Variants in FRMD3 observed in about 807,000 individuals in gnomAD.
The protein encoded by FRMD3 is FERM domain containing 3.
FRMD3 carries 33 observed loss-of-function variants against 70.2 expected under a neutral mutation model. The ratio of observed to expected loss-of-function variants is 0.47; its 90% CI spans 0.36 to 0.63. The LOEUF is 0.63. FRMD3 is among the 20% of genes least tolerant of loss of function. The pLI is 0.00. For synonymous variants in FRMD3, 279 were observed against 255.9 expected, an observed-to-expected ratio of 1.09 and a Z score of -0.86; for missense variants, 632 against 711.4, an observed-to-expected ratio of 0.89 and a Z score of 1.27.
At chr9:83,577,793 A>G in the FRMD3 span, among the ~76,000 whole-genome samples, 3 of 151,998 alleles carry the variant, frequency 2.0e-5, no homozygotes, top group South Asian at 6.2e-4. Context: ...AAAGAAGAAC[A>G]AACTGAGTCC....
chr9:83,264,568 C>T (rs954379441), intron 13 of FRMD3, among the ~76,000 whole-genome samples: 3 of 152,042 alleles, frequency 2.0e-5, no homozygotes, highest in African/African-American at 7.2e-5. Flanking sequence ...GGAAATTCCC[C>T]ATATGTGGAA....
chr9:83,564,840 G>C, the FRMD3 span, among the ~76,000 whole-genome samples: 1 of 152,202 alleles, frequency 6.6e-6, no homozygotes, highest in Non-Finnish European at 1.5e-5. Context: ...GAAACATGCA[G>C]AGCCCACCAT....
intron 5 of FRMD3, among the ~76,000 whole-genome samples, chr9:83,338,090 A>G (rs746731832): frequency 3.3e-5 from 5 of 152,238 alleles, no homozygotes; most frequent in Admixed American, 1.3e-4. Context: ...CCAATAGAGA[A>G]ATGGTCAAAG....
chr9:83,517,494 C>CAAAAAAAAAAAAAA (rs59178344), intron 1 of FRMD3, among the ~76,000 whole-genome samples: 1 of 65,524 alleles, frequency 1.5e-5, no homozygotes, highest in Non-Finnish European at 2.7e-5. Flanking sequence ...CCTACCAATC[C>CAAAAAAAAAAAAAA]AAAAAAAAAA....
rs374418269 is a variant in FRMD3, at chr9:83,472,215, G to A, written c.147+65870C>T. Among the ~76,000 whole-genome samples, 13 of 152,122 alleles carry A rather than the reference G, an allele frequency of 8.5e-5. No homozygotes were observed. In the South Asian group the frequency reaches 1.2e-3, roughly 15 times the overall value. On this transcript the variant is annotated intron_variant, in intron 1 of 13. Transcript: ENST00000304195. Reference sequence around the variant, plus strand: ...TATAGGAAAAGCTGGAGTCAACAACGTCAAACTAGTTTGCTCACTTGCCCA... The same window carrying A: ...TATAGGAAAAGCTGGAGTCAACAACATCAAACTAGTTTGCTCACTTGCCCA...
intron 13 of FRMD3, among the ~76,000 whole-genome samples, chr9:83,268,178 C>T (rs142398989): frequency 7.9e-5 from 12 of 152,312 alleles, no homozygotes; most frequent in Admixed American, 3.3e-4. Flanking sequence ...AATTTCAACA[C>T]GCCTGCATAC....
At position 83,391,588 on chromosome 9, in the gene FRMD3, C is replaced by T. The variant is rs758892604; in HGVS notation, c.148-1880G>A. Among the ~76,000 whole-genome samples the T allele has an allele frequency of 6.0e-4, 91 of 152,016 alleles. 1 individual carries two copies. The highest frequency in any genetic ancestry group is 1.3e-4 in the Admixed American group (2 of 15,262). ...ATGACAGATACTGCTGTCATTTTGCCCTAAAGAAGATGTACTCAACAGCAC... is the reference window on the plus strand; with the variant it reads ...ATGACAGATACTGCTGTCATTTTGCTCTAAAGAAGATGTACTCAACAGCAC... On this transcript the variant is annotated intron_variant, in intron 1 of 13. Transcript: ENST00000304195.
intron 10 of FRMD3, among the ~76,000 whole-genome samples, chr9:83,300,272 T>C (rs1279625340): frequency 1.3e-5 from 2 of 152,148 alleles, no homozygotes; most frequent in East Asian, 3.9e-4. Flanking sequence ...CCAGAGAAGA[T>C]GCCCTGAGGA....
At chr9:83,519,714 T>G (rs1159254995) in intron 1 of FRMD3, among the ~76,000 whole-genome samples, 1 of 152,196 alleles carries the variant, frequency 6.6e-6, no homozygotes, top group Non-Finnish European at 1.5e-5. Flanking sequence ...TGTAGCACTA[T>G]TCACAATAGC....
In FRMD3 at chr9:83,335,530, A is replaced by G. The variant is rs761413446; in HGVS notation, c.582T>C (p.His194=). 35 of 1,612,316 alleles carry G rather than the reference A, an allele frequency of 2.2e-5. 1 individual carries two copies. In the South Asian group the frequency reaches 3.8e-4, roughly 18 times the overall value. Residue 194 remains histidine, a synonymous_variant, in exon 6 of 14, where the codon CAT becomes CAC. Transcript: ENST00000304195. ...TCAGTAATTACCTGAGTTCATTTTTATGAATTTCCACTATTTTTCTTTCCA... is the reference window on the plus strand; with the variant it reads ...TCAGTAATTACCTGAGTTCATTTTTGTGAATTTCCACTATTTTTCTTTCCA... The part of the protein sequence containing the change: ...QKLERKIVEI[H]KNELRGQSPP...
chr9:83,581,212 G>C, the FRMD3 span, among the ~76,000 whole-genome samples: 2 of 152,066 alleles, frequency 1.3e-5, no homozygotes, highest in Non-Finnish European at 2.9e-5. Flanking sequence ...GAAAATATTT[G>C]CAAATTACAC....
chr9:83,500,325 G>C (rs1360937195), intron 1 of FRMD3, among the ~76,000 whole-genome samples: 2 of 143,340 alleles, frequency 1.4e-5, no homozygotes, highest in Non-Finnish European at 3.1e-5. Flanking sequence ...TAATAGGAGA[G>C]AGGGTAGATG....
chr9:83,295,924 A>G (rs1156333062), intron 12 of FRMD3, among the ~76,000 whole-genome samples: 3 of 152,220 alleles, frequency 2.0e-5, no homozygotes, highest in Non-Finnish European at 2.9e-5. Context: ...CTTTTTGAAG[A>G]AGAAAAATTC....
chr9:83,342,036 CAT>C (rs1174833028), intron 5 of FRMD3, among the ~76,000 whole-genome samples: 1 of 113,314 alleles, frequency 8.8e-6, no homozygotes, highest in Non-Finnish European at 1.8e-5. Flanking sequence ...GGAAGATTGA[CAT>C]AGTCATCTCT....
At chr9:83,281,243 A>C (rs1833963834) in intron 13 of FRMD3, among the ~76,000 whole-genome samples, 4 of 152,220 alleles carry the variant, frequency 2.6e-5, no homozygotes. Flanking sequence ...TAAAACTCAG[A>C]AAATTCTAGC....
At chr9:83,313,528 TC>T (rs1223620185) in intron 7 of FRMD3, 131 bp downstream of exon 7, 1 of 697,588 alleles carries the variant, frequency 1.4e-6, no homozygotes, top group Non-Finnish European at 2.6e-6. Context: ...CCCACTGTTG[TC>T]CCTTCCAATG....
At chr9:83,357,235 T>C (rs774176672) in intron 3 of FRMD3, among the ~76,000 whole-genome samples, 3,411 of 12,778 alleles carry the variant, frequency 0.27, 312 homozygotes, top group Non-Finnish European at 0.32. Flanking sequence ...TTTATATATA[T>C]ATAATACATA....
At chr9:83,508,747 T>C (rs1829263445) in intron 1 of FRMD3, among the ~76,000 whole-genome samples, 1 of 152,172 alleles carries the variant, frequency 6.6e-6, no homozygotes, top group African/African-American at 2.4e-5. Context: ...CTGCAGCACG[T>C]GCCCAATCCC....
At chr9:83,488,035 A>T (rs1828725632) in intron 1 of FRMD3, among the ~76,000 whole-genome samples, 1 of 151,918 alleles carries the variant, frequency 6.6e-6, no homozygotes, top group Non-Finnish European at 1.5e-5. Flanking sequence ...ATAGAAATAG[A>T]CCCCCCAAGC....
Sources: gnomAD v4.1 joint callset for allele counts (sites outside exome capture counted in the v4.1 genomes callset) on GRCh38, gnomAD v4.1.1 for gene constraint, MANE v1.5 for transcripts, NCBI Gene and HGNC (gene_info 2026-07-23, HGNC 2026-07-21) for gene names.